Variants in ATP2B2 observed in about 807,000 individuals in gnomAD.
ATP2B2 encodes the protein ATPase plasma membrane Ca2+ transporting 2, also known as plasma membrane calcium-transporting ATPase 2.
ATP2B2 carries 15 observed loss-of-function variants against 120.0 expected under a neutral mutation model. The ratio of observed to expected loss-of-function variants is 0.12; its 90% CI spans 0.08 to 0.19. The LOEUF is 0.19. Among genes scored for constraint, ATP2B2 ranks in the 10% least tolerant of loss-of-function variants. The pLI is 1.00. For missense variants in ATP2B2, 1,045 were observed against 1,719.8 expected (o/e 0.61, Z 6.94); for synonymous variants, 694 against 700.3 (o/e 0.99, Z 0.14).
At chr3:10,373,437 C>T (rs1015633249) in intron 11 of ATP2B2, among the ~76,000 whole-genome samples, 2 of 152,150 alleles carry the variant, frequency 1.3e-5, no homozygotes, top group Non-Finnish European at 2.9e-5. Flanking sequence ...CTATCCAATA[C>T]GGTAGTCACA....
At chr3:10,368,643 T>C (rs2061136416) in intron 12 of ATP2B2, among the ~76,000 whole-genome samples, 1 of 151,246 alleles carries the variant, frequency 6.6e-6, no homozygotes, top group Non-Finnish European at 1.5e-5. Flanking sequence ...CATCCACCCA[T>C]CCATCCATCT....
intron 21 of ATP2B2, 152 bp from the exon 22 acceptor site, chr3:10,338,510 C>T (rs1470764552): frequency 1.5e-6 from 1 of 672,874 alleles, no homozygotes; most frequent in African/African-American, 1.8e-5. Flanking sequence ...TTCCTCAGCC[C>T]AGTCTTTGAC....
intron 1 of ATP2B2, among the ~76,000 whole-genome samples, chr3:10,672,747 A>G (rs1168806969): frequency 6.6e-6 from 1 of 152,244 alleles, no homozygotes; most frequent in Admixed American, 6.5e-5. Flanking sequence ...GTGCTGTAAA[A>G]TGACACTTGT....
At chr3:10,393,379 G>A (rs763048974) in intron 5 of ATP2B2, among the ~76,000 whole-genome samples, 1 of 152,138 alleles carries the variant, frequency 6.6e-6, no homozygotes, top group Non-Finnish European at 1.5e-5. Context: ...GGGGAGGAAG[G>A]AAGAGAATAT....
intron 1 of ATP2B2, among the ~76,000 whole-genome samples, chr3:10,488,531 T>TTTCC (rs1199597642): frequency 6.5e-5 from 7 of 107,136 alleles, no homozygotes; most frequent in Middle Eastern, 5.2e-3. Flanking sequence ...TCCTTCCTTC[T>TTTCC]TTCCTTCCTT....
intron 1 of ATP2B2, among the ~76,000 whole-genome samples, chr3:10,475,210 G>A (rs2065158582): frequency 6.6e-6 from 1 of 152,256 alleles, no homozygotes; most frequent in Non-Finnish European, 1.5e-5. Context: ...AAGAAAAAGA[G>A]CAATCAAGTT....
intron 1 of ATP2B2, among the ~76,000 whole-genome samples, chr3:10,688,725 C>CA (rs1288046422): frequency 6.6e-6 from 1 of 152,192 alleles, no homozygotes; most frequent in Non-Finnish European, 1.5e-5. Flanking sequence ...AAGTCCTTTA[C>CA]AAAACCCTCA....
chr3:10,404,969 G>A (rs2062360410), intron 3 of ATP2B2, among the ~76,000 whole-genome samples: 1 of 152,092 alleles, frequency 6.6e-6, no homozygotes, highest in Non-Finnish European at 1.5e-5. Context: ...TCCTCAATGG[G>A]GCCCCCATTA....
At chr3:10,698,967 A>G (rs6797758) in intron 1 of ATP2B2, among the ~76,000 whole-genome samples, 52,035 of 152,082 alleles carry the variant, frequency 0.34, 12,028 homozygotes, top group African/African-American at 0.66. Context: ...CACCTGTGGG[A>G]TGGTCTTCTA....
chr3:10,668,236 C>A (rs1362399534), intron 1 of ATP2B2, among the ~76,000 whole-genome samples: 1 of 152,244 alleles, frequency 6.6e-6, no homozygotes, highest in Non-Finnish European at 1.5e-5. Context: ...TAAACTTGAA[C>A]TATAGGTCTC....
intron 3 of ATP2B2, among the ~76,000 whole-genome samples, chr3:10,532,617 C>T (rs2125477527): frequency 6.6e-6 from 1 of 152,314 alleles, no homozygotes; most frequent in South Asian, 2.1e-4. Flanking sequence ...TATTATGGGT[C>T]ATTTAATATT....
At chr3:10,577,807 G>A (rs1416790163) in intron 2 of ATP2B2, among the ~76,000 whole-genome samples, 2 of 152,238 alleles carry the variant, frequency 1.3e-5, no homozygotes, top group Admixed American at 6.5e-5. Flanking sequence ...GGGAACCCGA[G>A]GCACTGTGCC....
chr3:10,604,301 C>T (rs1379477534), intron 2 of ATP2B2, among the ~76,000 whole-genome samples: 1 of 152,220 alleles, frequency 6.6e-6, no homozygotes, highest in Non-Finnish European at 1.5e-5. Flanking sequence ...GCTGCCATCT[C>T]TTCTCTCCAA....
chr3:10,649,973 G>A (rs564081697), intron 1 of ATP2B2, among the ~76,000 whole-genome samples: 3 of 152,288 alleles, frequency 2.0e-5, no homozygotes, highest in South Asian at 2.1e-4. Flanking sequence ...TCCCAGTCTC[G>A]GGTATGCCAA....
chr3:10,587,872 T>C (rs560979313), intron 2 of ATP2B2, among the ~76,000 whole-genome samples: 5 of 152,332 alleles, frequency 3.3e-5, no homozygotes, highest in African/African-American at 1.2e-4. Flanking sequence ...TTGCTGTATA[T>C]ACTCAGTTCA....
chr3:10,620,171 T>C (rs1268362328), intron 1 of ATP2B2, among the ~76,000 whole-genome samples: 1 of 152,162 alleles, frequency 6.6e-6, no homozygotes, highest in Non-Finnish European at 1.5e-5. Context: ...GCCAGCAGGA[T>C]GGGCTCCCCT....
Position 10,446,125 on chromosome 3 carries a change from T to A in ATP2B2, c.199+3220A>T, listed in dbSNP as rs528127199. ...AGCCCTCATATCCCCCTCCATAAAA[T>A]GGGGTAACAGCACCCGTTTCCAGGA... On this transcript the variant is annotated intron_variant, in intron 2 of 22. Coordinates refer to ENST00000360273, the MANE Select transcript of ATP2B2 (RefSeq NM_001001331.4). 1.2e-4 allele frequency among the ~76,000 whole-genome samples: 18 copies of A among 152,214 alleles called. 1 individual carries two copies. In the South Asian group the frequency reaches 3.7e-3, roughly 32 times the overall value.
intron 12 of ATP2B2, among the ~76,000 whole-genome samples, 154 bp from the exon 13 acceptor site, chr3:10,360,277 C>G (rs936515184): frequency 1.2e-4 from 18 of 152,226 alleles, no homozygotes; most frequent in African/African-American, 4.3e-4. Flanking sequence ...CCTGCACCCT[C>G]AGGGCTCTGC....
At position 10,334,991 on chromosome 3, in the gene ATP2B2, A is replaced by G. The variant is rs565092780; in HGVS notation, c.3420+3185T>C. 2.3e-4 allele frequency among the ~76,000 whole-genome samples: 35 copies of G among 152,336 alleles called. 2 individuals are homozygous for G. The South Asian group carries it at 5.8e-3, about 25-fold the overall frequency. On this transcript the variant is annotated intron_variant, in intron 22 of 22. Coordinates refer to ENST00000360273, the MANE Select transcript of ATP2B2 (RefSeq NM_001001331.4). ...CTGCAGATCAGAAGCGCCTGACTGG[A>G]AACATAGCAGGGCGATGGGAGGAAA...
Sources: gnomAD v4.1 joint callset for allele counts (sites outside exome capture counted in the v4.1 genomes callset) on GRCh38, gnomAD v4.1.1 for gene constraint, MANE v1.5 for transcripts, NCBI Gene and HGNC (gene_info 2026-07-23, HGNC 2026-07-21) for gene names.